SLC4A4: variants seen among roughly 807,000 people sequenced by gnomAD.
SLC4A4 encodes the protein electrogenic sodium bicarbonate cotransporter 1.
In SLC4A4, 27 loss-of-function variants were observed where a neutral mutation model predicts 111.5. That is an observed-to-expected ratio of 0.24 (90% CI 0.18 to 0.33). The LOEUF (loss-of-function observed/expected upper bound fraction) is 0.33, where lower values mean the gene tolerates loss of function less well. SLC4A4 is among the 10% of genes least tolerant of loss of function. SLC4A4 has a pLI of 1.00. For synonymous variants in SLC4A4, 443 were observed against 463.4 expected (o/e 0.96, Z 0.57); for missense variants, 909 against 1,315.5 (o/e 0.69, Z 4.78).
chr4:71,263,124 A>G (rs1721990240), intron 3 of SLC4A4, among the ~76,000 whole-genome samples: 1 of 151,552 alleles, frequency 6.6e-6, no homozygotes, highest in Non-Finnish European at 1.5e-5. Context: ...CAAACAAACA[A>G]TCCTTCTATT....
chr4:71,235,464 C>T (rs1462994220), intron 1 of SLC4A4, among the ~76,000 whole-genome samples: 3 of 152,198 alleles, frequency 2.0e-5, no homozygotes, highest in Non-Finnish European at 4.4e-5. Flanking sequence ...GGTTCTCTGG[C>T]AGGGCTCATG....
chr4:71,564,827 T>C (rs1312888820), intron 24 of SLC4A4, among the ~76,000 whole-genome samples: 1 of 151,950 alleles, frequency 6.6e-6, no homozygotes, highest in Non-Finnish European at 1.5e-5. Context: ...ATATTAGTTA[T>C]CAATCATTGA....
chr4:71,074,680 G>A (rs1299080087), intron 1 of SLC4A4, among the ~76,000 whole-genome samples: 3 of 151,262 alleles, frequency 2.0e-5, no homozygotes, highest in African/African-American at 7.3e-5. Context: ...AAGAAGGGAG[G>A]GAAAGAGGGA....
intron 15 of SLC4A4, among the ~76,000 whole-genome samples, chr4:71,497,047 A>T (rs1393339107): frequency 6.6e-6 from 1 of 152,142 alleles, no homozygotes; most frequent in Non-Finnish European, 1.5e-5. Flanking sequence ...TAGTTAACCT[A>T]TTACAACTTT....
intron 21 of SLC4A4, among the ~76,000 whole-genome samples, chr4:71,556,961 C>T (rs912887327): frequency 7.2e-5 from 11 of 151,934 alleles, no homozygotes; most frequent in African/African-American, 2.7e-4. Context: ...AATATCTTCC[C>T]ATTCGTCACT....
chr4:71,167,713 G>A (rs546381809), intron 2 of SLC4A4, among the ~76,000 whole-genome samples: 1 of 152,156 alleles, frequency 6.6e-6, no homozygotes, highest in South Asian at 2.1e-4. Context: ...CTCAAAAATC[G>A]AAACAGTGAT....
chr4:71,247,578 C>G (rs938332086), intron 2 of SLC4A4, among the ~76,000 whole-genome samples: 1 of 152,132 alleles, frequency 6.6e-6, no homozygotes, highest in African/African-American at 2.4e-5. Flanking sequence ...TAAGCTGCCT[C>G]TCTGGCTGCA....
chr4:71,124,224 G>A (rs1743505651), intron 2 of SLC4A4, among the ~76,000 whole-genome samples: 1 of 145,834 alleles, frequency 6.9e-6, no homozygotes, highest in Admixed American at 7.0e-5. Context: ...CCAGGCTAGA[G>A]TGCAGTGGTG....
chr4:71,266,417 C>A (rs1475743896), intron 3 of SLC4A4, among the ~76,000 whole-genome samples: 1 of 152,134 alleles, frequency 6.6e-6, no homozygotes, highest in Non-Finnish European at 1.5e-5. Flanking sequence ...AGCACATTGA[C>A]AATTACAGTT....
chr4:71,387,017 G>T (rs1337583659), intron 6 of SLC4A4, among the ~76,000 whole-genome samples: 1 of 152,206 alleles, frequency 6.6e-6, no homozygotes, highest in South Asian at 2.1e-4. Flanking sequence ...CTTGAGCAGA[G>T]CCCTGCAGTG....
chr4:71,397,623 T>C lies in SLC4A4; in HGVS notation c.777T>C (p.Asn259=), dbSNP rs753910169. ...THRNLTSSSL[N]DISDKPEKDQ... is the part of the protein sequence containing the mutation. ...GGAATCTGACTTCCTCCAGTCTGAA[T>C]GACATTTCTGATAAACCGGAGAAGG... is the stretch of plus-strand genomic sequence containing the variant. Residue 259 remains asparagine, a synonymous_variant, in exon 7 of 26, where the codon AAT becomes AAC. Transcript: ENST00000264485. The C allele has an allele frequency of 7.4e-6, 12 of 1,613,960 alleles. No homozygotes were observed. In the East Asian group the frequency reaches 2.2e-4, roughly 30 times the overall value.
At chr4:71,253,885 T>C (rs1358207597) in intron 2 of SLC4A4, among the ~76,000 whole-genome samples, 1 of 152,212 alleles carries the variant, frequency 6.6e-6, no homozygotes, top group African/African-American at 2.4e-5. Flanking sequence ...TGTCTTCTTT[T>C]GAATACTAAC....
At chr4:71,425,246 A>G (rs1039610556) in intron 7 of SLC4A4, among the ~76,000 whole-genome samples, 3 of 152,086 alleles carry the variant, frequency 2.0e-5, no homozygotes, top group Non-Finnish European at 2.9e-5. Flanking sequence ...AGGCCAAGGA[A>G]CCCTTTATTG....
chr4:71,078,795 T>TTGTA (rs1741915181), intron 1 of SLC4A4, among the ~76,000 whole-genome samples: 1 of 152,124 alleles, frequency 6.6e-6, no homozygotes, highest in Non-Finnish European at 1.5e-5. Context: ...GCTTTGGGAT[T>TTGTA]TGTATAACAG....
chr4:71,357,215 T>C lies in SLC4A4; in HGVS notation c.730+28T>C, dbSNP rs185763277. 173 of 1,598,674 alleles carry C rather than the reference T, an allele frequency of 1.1e-4. 2 individuals are homozygous for C. The African/African-American group carries it at 1.9e-3, about 17-fold the overall frequency. On this transcript the variant is annotated intron_variant, in intron 6 of 25. Transcript: ENST00000264485. The stretch of plus-strand genomic sequence containing the variant: ...AATGCAGAGGCCAGCTGGCTGCTGC[T>C]TTCTCTTACTTATTTCACTCACCTT...
intron 2 of SLC4A4, among the ~76,000 whole-genome samples, chr4:71,113,120 T>C (rs1207622760): frequency 6.6e-6 from 1 of 152,214 alleles, no homozygotes; most frequent in Non-Finnish European, 1.5e-5. Flanking sequence ...TTGACCATAA[T>C]GAAGAAACTG....
chr4:71,520,338 AC>A (rs200657799), intron 16 of SLC4A4, among the ~76,000 whole-genome samples: 17,780 of 152,266 alleles, frequency 0.12, 1,251 homozygotes, highest in African/African-American at 0.19. Flanking sequence ...ACTTTAAAAC[AC>A]TTAGACTTCT....
At chr4:71,534,099 A>G (rs1734182914) in intron 17 of SLC4A4, 128 bp from the exon 18 acceptor site, 6 of 778,538 alleles carry the variant, frequency 7.7e-6, no homozygotes, top group East Asian at 2.7e-5. Context: ...TCTCTAGCTC[A>G]TAACTGTTTA....
At position 71,097,958 on chromosome 4, in the gene SLC4A4, A is replaced by T. The variant is rs535863846; in HGVS notation, c.-2+5166A>T. Among the ~76,000 whole-genome samples the T allele has an allele frequency of 2.6e-5, 4 of 151,218 alleles. No homozygotes were observed. The South Asian group carries it at 6.3e-4, about 24-fold the overall frequency. ...GCATAGTTTGCAAATATTTTCTCCC[A>T]CTCTGTAGGTTGTTTGTTTACTCTG... On this transcript the variant is annotated intron_variant, in intron 2 of 26. Transcript: ENST00000649996.
Sources: allele counts gnomAD v4.1 joint callset (sites outside exome capture counted in the v4.1 genomes callset), GRCh38; gene constraint gnomAD v4.1.1; transcripts MANE v1.5; gene names NCBI Gene and HGNC (gene_info 2026-07-23, HGNC 2026-07-21).